Variants in HEATR9 observed in about 807,000 individuals in gnomAD.
HEATR9 encodes the protein HEAT repeat containing 9, also known as protein HEATR9.
Under a neutral mutation model 68.2 loss-of-function variants are expected in HEATR9, and 54 were observed. The ratio of observed to expected loss-of-function variants is 0.79; its 90% CI spans 0.64 to 0.99. HEATR9 has a LOEUF of 0.99. Ranked by LOEUF, HEATR9 falls within the 50% of genes least tolerant of loss-of-function variation. The pLI is 0.00. For synonymous variants in HEATR9, 241 were observed against 253.5 expected, an observed-to-expected ratio of 0.95 and a Z score of 0.47; for missense variants, 662 against 679.7, an observed-to-expected ratio of 0.97 and a Z score of 0.29.
chr17:35,859,148 C>G (rs575501589), intron 8 of HEATR9, 78 bp from the exon 9 acceptor site: 1 of 1,239,726 alleles, frequency 8.1e-7, no homozygotes, highest in Non-Finnish European at 1.2e-6. Flanking sequence ...CTATATTCAC[C>G]TTCCTCCCTA....
intron 8 of HEATR9, among the ~76,000 whole-genome samples, chr17:35,859,701 C>T (rs903145259): frequency 2.6e-5 from 4 of 152,236 alleles, no homozygotes; most frequent in Non-Finnish European, 4.4e-5. Flanking sequence ...TTTGTGCCAG[C>T]ACTTCCTGGA....
At chr17:35,861,150 T>TGCAAGA in intron 8 of HEATR9, 1 of 1,544,656 alleles carries the variant, frequency 6.5e-7, no homozygotes, top group Non-Finnish European at 8.9e-7. Flanking sequence ...TCCCTTTGCC[T>TGCAAGA]GCAAGAGGGG....
chr17:35,863,407 G>A (rs2088071913), intron 7 of HEATR9, 95 bp downstream of exon 7: 1 of 1,330,168 alleles, frequency 7.5e-7, no homozygotes, highest in African/African-American at 1.4e-5. Context: ...ATGGTAGGTT[G>A]GAGCAAGTGT....
In HEATR9 at chr17:35,868,457, A is replaced by G; in HGVS notation, c.88+198T>C. 3 of 908,548 alleles carry G rather than the reference A, an allele frequency of 3.3e-6. No individual in the cohort carries two copies. The African/African-American group carries it at 5.0e-5, about 15-fold the overall frequency. 56.3% of individuals were successfully genotyped at this position (908,548 alleles called of 1,614,324 possible). On this transcript the variant is annotated intron_variant, in intron 1 of 14. Transcript: ENST00000604834. ...GGGAGACACACAGGTGTCCCATCTT[A>G]GAGATCCCTGTAGGCCCTGCTGAGG... is the stretch of plus-strand genomic sequence containing the variant.
intron 8 of HEATR9, among the ~76,000 whole-genome samples, chr17:35,859,676 A>G (rs1198769344): frequency 6.6e-6 from 1 of 152,210 alleles, no homozygotes; most frequent in East Asian, 1.9e-4. Flanking sequence ...ACAGAACTAC[A>G]GTCCAACTCT....
At chr17:35,860,349 A>G (rs1056305861) in intron 8 of HEATR9, among the ~76,000 whole-genome samples, 2 of 140,556 alleles carry the variant, frequency 1.4e-5, no homozygotes, top group Admixed American at 1.5e-4. Flanking sequence ...CCGAGACTGC[A>G]CCACTGCACT....
At chr17:35,863,915 G>C in intron 6 of HEATR9, 1 of 535,474 alleles carries the variant, frequency 1.9e-6, no homozygotes, top group Non-Finnish European at 3.3e-6. Flanking sequence ...CATGTTCCCA[G>C]TGGTAAGCTG....
In HEATR9 at chr17:35,863,520, G is replaced by T. The variant is rs183997741; in HGVS notation, c.607C>A (p.Arg203=). The part of the protein sequence containing the change: ...GPEKVKYEAY[R]TLAILGCLNK... Reference sequence around the variant, plus strand: ...TACTCACCCAGGATGGCCAGGGTTCGGTAGGCCTCGTACTTCACTTTCTCT... The same window carrying T: ...TACTCACCCAGGATGGCCAGGGTTCTGTAGGCCTCGTACTTCACTTTCTCT... The change falls in exon 7 of 15, where the codon CGA becomes AGA. Residue 203 remains arginine (R), a synonymous_variant. Transcript: ENST00000604834. 2 of 1,614,032 alleles carry T rather than the reference G, an allele frequency of 1.2e-6. No homozygotes were observed. The highest frequency in any genetic ancestry group is 1.7e-5 in the Admixed American group (1 of 60,010).
chr17:35,860,602 G>A (rs1344322212), intron 8 of HEATR9, among the ~76,000 whole-genome samples: 5 of 149,120 alleles, frequency 3.4e-5, no homozygotes, highest in African/African-American at 9.8e-5. Flanking sequence ...CCATTCTCCT[G>A]CCTCAGCCTG....
rs1352410393 is a variant in HEATR9, at chr17:35,855,707, A to G, written c.1322T>C (p.Leu441Pro). Residue 441 changes from leucine to proline, a missense_variant, in exon 14 of 15, where the codon CTG (leucine) becomes CCG (proline). Transcript: ENST00000604834. ...GTGGTTTTCTGCATCTAGTAAGTCCAGGAGCAAGTGGAACACTTGTGGACT... is the reference window on the plus strand; with the variant it reads ...GTGGTTTTCTGCATCTAGTAAGTCCGGGAGCAAGTGGAACACTTGTGGACT... ...IRSPQVFHLL[L>P]DLLDAENHQA... 8 of 1,614,012 alleles carry G rather than the reference A, an allele frequency of 5.0e-6. No homozygotes were observed. The highest frequency in any genetic ancestry group is 2.7e-5 in the African/African-American group (2 of 74,926).
At chr17:35,864,697 C>T in intron 4 of HEATR9, 61 bp downstream of exon 4, 1 of 1,609,030 alleles carries the variant, frequency 6.2e-7, no homozygotes, top group Non-Finnish European at 8.5e-7. Flanking sequence ...ATGGTGTGAG[C>T]CCAAGGGAAG....
At chr17:35,857,526 G>A (rs948443052) in intron 11 of HEATR9, among the ~76,000 whole-genome samples, 5 of 152,180 alleles carry the variant, frequency 3.3e-5, no homozygotes, top group African/African-American at 9.7e-5. Context: ...TTGGGAGGCC[G>A]AGGTGGGCAG....
chr17:35,868,375 T>G (rs902478121), intron 1 of HEATR9, among the ~76,000 whole-genome samples: 3 of 152,006 alleles, frequency 2.0e-5, no homozygotes, highest in Non-Finnish European at 2.9e-5. Flanking sequence ...ATGCAAAGAT[T>G]TGGAGGTGCA....
chr17:35,856,694 G>T (rs768200732), intron 12 of HEATR9, 38 bp downstream of exon 12: 9 of 1,555,142 alleles, frequency 5.8e-6, no homozygotes, highest in Non-Finnish European at 6.1e-6. Flanking sequence ...CCTTCCCACA[G>T]CCTAGGATTT....
At chr17:35,868,545 C>A in intron 1 of HEATR9, 110 bp downstream of exon 1, 1 of 1,531,206 alleles carries the variant, frequency 6.5e-7, no homozygotes, top group Non-Finnish European at 8.8e-7. Flanking sequence ...CCTGATGTTT[C>A]CCAAGGGTTT....
chr17:35,856,446 T>A, intron 12 of HEATR9: 1 of 1,291,210 alleles, frequency 7.7e-7, no homozygotes, highest in East Asian at 2.5e-5. Context: ...GTCCAGAAAT[T>A]TTATCTTTTT....
chr17:35,868,321 C>T (rs1267031959), intron 1 of HEATR9, among the ~76,000 whole-genome samples: 1 of 152,134 alleles, frequency 6.6e-6, no homozygotes, highest in Non-Finnish European at 1.5e-5. Context: ...CAGGAACTAG[C>T]CAGGTAGATA....
chr17:35,868,346 T>C (rs1035038599), intron 1 of HEATR9, among the ~76,000 whole-genome samples: 1 of 152,116 alleles, frequency 6.6e-6, no homozygotes, highest in Middle Eastern at 3.2e-3. Context: ...GGAAGAGCAT[T>C]AGACACAGGG....
chr17:35,865,267 G>C lies in HEATR9; in HGVS notation c.268C>G (p.Arg90Gly). ...ATCTTCTCAGCCTCCCTTTCCTCTC[G>C]CTGATCATACAGGTCGTGCCAGTGC... ...YTHWHDLYDQ[R>G]EEREAEKMLR... The change falls in exon 3 of 15, where the codon CGA (arginine) becomes GGA (glycine). Residue 90 changes from arginine to glycine, a missense_variant. Physicochemically the swap from Arg to Gly is moderately radical, Grantham distance 125. Transcript: ENST00000604834. 1 of 1,613,898 alleles carries C rather than the reference G, an allele frequency of 6.2e-7. No individual in the cohort carries two copies. Among genetic ancestry groups the C allele is most frequent in the Non-Finnish European group, 8.5e-7 (1 of 1,179,948 alleles).
Sources: gnomAD v4.1 joint callset for allele counts (sites outside exome capture counted in the v4.1 genomes callset) on GRCh38, gnomAD v4.1.1 for gene constraint, MANE v1.5 for transcripts, NCBI Gene and HGNC (gene_info 2026-07-23, HGNC 2026-07-21) for gene names.